Variants in CDYL observed in about 807,000 individuals in gnomAD.
CDYL encodes the protein chromodomain Y-like protein.
In CDYL, 8 loss-of-function variants were observed where a neutral mutation model predicts 47.3. The ratio of observed to expected loss-of-function variants is 0.17; its 90% confidence interval spans 0.10 to 0.31. The LOEUF (loss-of-function observed/expected upper bound fraction) is 0.31. Among genes scored for constraint, CDYL ranks in the 10% least tolerant of loss-of-function variants. The pLI, the probability that CDYL is intolerant of heterozygous loss-of-function variation, is 1.00. For synonymous variants in CDYL, 266 were observed against 265.0 expected (o/e 1.00, Z -0.04); for missense variants, 471 against 701.4 (o/e 0.67, Z 3.71).
intron 1 of CDYL, among the ~76,000 whole-genome samples, chr6:4,880,252 A>G (rs1432793967): frequency 2.0e-5 from 3 of 152,148 alleles, no homozygotes; most frequent in Non-Finnish European, 4.4e-5. Flanking sequence ...TGCCTTTTAC[A>G]ATATGTTGTA....
At chr6:4,792,963 A>G (rs1212880575) in intron 1 of CDYL, among the ~76,000 whole-genome samples, 2 of 152,192 alleles carry the variant, frequency 1.3e-5, no homozygotes, top group African/African-American at 2.4e-5. Flanking sequence ...CACCTCTGTC[A>G]TAGATGTTTC....
At chr6:4,947,897 C>T (rs1459695052) in intron 5 of CDYL, among the ~76,000 whole-genome samples, 1 of 152,046 alleles carries the variant, frequency 6.6e-6, no homozygotes, top group East Asian at 1.9e-4. Flanking sequence ...TGGGGGAGGC[C>T]CTGAGCTCTC....
At chr6:4,947,368 C>A (rs55981530) in intron 5 of CDYL, among the ~76,000 whole-genome samples, 16,347 of 152,208 alleles carry the variant, frequency 0.11, 1,005 homozygotes, top group South Asian at 0.17. Flanking sequence ...GGGTACCTCC[C>A]CACCCCTCAC....
chr6:4,832,588 C>T (rs1760178955), intron 1 of CDYL, among the ~76,000 whole-genome samples: 1 of 150,848 alleles, frequency 6.6e-6, no homozygotes, highest in Non-Finnish European at 1.5e-5. Context: ...ATGCTGGCCT[C>T]ATAAAATGAG....
Position 4,937,748 on chromosome 6 carries a change from A to G in CDYL, c.1121+11A>G, listed in dbSNP as rs376963465. 2 of 1,598,892 alleles carry G rather than the reference A, an allele frequency of 1.3e-6. No individual in the cohort carries two copies. Among genetic ancestry groups the G allele is most frequent in the African/African-American group, 1.4e-5 (1 of 73,730 alleles). ...GGCAGAAGCTATCAGGTATGTAAAA[A>G]TGATGTTTTTTAAACATTGGTTGGG... On this transcript the variant is annotated intron_variant, in intron 4 of 6. Coordinates refer to ENST00000397588, the MANE Select transcript of CDYL (RefSeq NM_004824.4).
In CDYL at chr6:4,951,472, G is replaced by A. The variant is rs1031458211; in HGVS notation, c.1333-794G>A. 4.6e-5 allele frequency among the ~76,000 whole-genome samples: 7 copies of A among 151,956 alleles called. 1 individual carries two copies. The highest frequency in any genetic ancestry group is 8.8e-5 in the Non-Finnish European group (6 of 68,002). ...TCAGTGTCATGTATTAAAAAATAAA[G>A]TGATCTAGAATCCAGGACAAGGTTA... On this transcript the variant is annotated intron_variant, in intron 5 of 6. Coordinates refer to ENST00000397588, the MANE Select transcript of CDYL (RefSeq NM_004824.4).
chr6:4,784,229 TG>T (rs746667812), intron 1 of CDYL, among the ~76,000 whole-genome samples: 6 of 152,212 alleles, frequency 3.9e-5, no homozygotes, highest in Admixed American at 1.3e-4. Context: ...AAGTCTTTGG[TG>T]TTTGTCCATT....
intron 2 of CDYL, among the ~76,000 whole-genome samples, chr6:4,924,483 C>G (rs1163287738): frequency 6.6e-6 from 1 of 152,182 alleles, no homozygotes. Flanking sequence ...GCCTTTTACA[C>G]CTCCTCTGTT....
At chr6:4,744,300 C>G (rs1000021407) in intron 3 of CDYL, among the ~76,000 whole-genome samples, 3 of 152,138 alleles carry the variant, frequency 2.0e-5, no homozygotes, top group African/African-American at 7.2e-5. Flanking sequence ...TAAGGCCAGC[C>G]TAGTCAGCTT....
chr6:4,898,088 A>G (rs1384900487), intron 2 of CDYL, among the ~76,000 whole-genome samples: 1 of 151,988 alleles, frequency 6.6e-6, no homozygotes, highest in African/African-American at 2.4e-5. Context: ...CATGGTGACT[A>G]CATGCCCCCT....
At chr6:4,860,903 A>T (rs898553369) in intron 1 of CDYL, among the ~76,000 whole-genome samples, 3 of 152,078 alleles carry the variant, frequency 2.0e-5, no homozygotes, top group Admixed American at 1.3e-4. Flanking sequence ...TGCCCACCAG[A>T]TGAAGGGTAG....
chr6:4,753,415 A>G (rs923856561), intron 3 of CDYL, among the ~76,000 whole-genome samples: 12 of 152,306 alleles, frequency 7.9e-5, no homozygotes, highest in Middle Eastern at 6.8e-3. Context: ...TCACTAGAGA[A>G]TACAGCTTTG....
chr6:4,841,138 G>A (rs1252347263), intron 1 of CDYL, among the ~76,000 whole-genome samples: 1 of 152,058 alleles, frequency 6.6e-6, no homozygotes, highest in Non-Finnish European at 1.5e-5. Context: ...GTTTAGTCTA[G>A]GCGGGTTGTA....
intron 1 of CDYL, among the ~76,000 whole-genome samples, chr6:4,840,574 C>A (rs1760457951): frequency 2.0e-5 from 3 of 152,088 alleles, no homozygotes; most frequent in Non-Finnish European, 4.4e-5. Context: ...TATGTCCCTT[C>A]TATGCTGATT....
Position 4,892,008 on chromosome 6 carries a change from C to T in CDYL, c.320C>T (p.Ser107Phe), listed in dbSNP as rs1273157635. 2 of 1,614,190 alleles carry T rather than the reference C, an allele frequency of 1.2e-6. No individual in the cohort carries two copies. Among genetic ancestry groups the T allele is most frequent in the Non-Finnish European group, 1.7e-6 (2 of 1,180,032 alleles). ...KALVIGKDHE[S>F]KNSQLFAASQ... ...CTCGTGATTGGGAAAGACCACGAATCCAAAAACAGCCAGCTGTTTGCTGCC... is the reference window on the plus strand; with the variant it reads ...CTCGTGATTGGGAAAGACCACGAATTCAAAAACAGCCAGCTGTTTGCTGCC... Residue 107 changes from serine (S) to phenylalanine (F), a missense_variant, in exon 2 of 7, where the codon TCC (serine) becomes TTC (phenylalanine). By Grantham distance (155) the Ser-to-Phe change is radical. Transcript: ENST00000397588.
At chr6:4,940,444 TA>T (rs1311236692) in intron 4 of CDYL, among the ~76,000 whole-genome samples, 1 of 150,706 alleles carries the variant, frequency 6.6e-6, no homozygotes, top group East Asian at 2.0e-4. Context: ...TCATGTTCCT[TA>T]AAACTTGGAG....
intron 4 of CDYL, 57 bp downstream of exon 4, chr6:4,937,794 A>C: frequency 7.1e-7 from 1 of 1,412,718 alleles, no homozygotes; most frequent in Non-Finnish European, 9.8e-7. Flanking sequence ...TTGGTAAACC[A>C]ATCCTGATAG....
At chr6:4,924,981 A>G (rs1757824704) in intron 2 of CDYL, among the ~76,000 whole-genome samples, 1 of 152,212 alleles carries the variant, frequency 6.6e-6, no homozygotes, top group Non-Finnish European at 1.5e-5. Context: ...GACAGCAGAA[A>G]TTTGCCTGTA....
chr6:4,823,828 C>T (rs1481885949), intron 1 of CDYL, among the ~76,000 whole-genome samples: 1 of 152,104 alleles, frequency 6.6e-6, no homozygotes, highest in Non-Finnish European at 1.5e-5. Flanking sequence ...TTTTATTTGT[C>T]TCTCCAAAAC....
Sources: allele counts gnomAD v4.1 joint callset (sites outside exome capture counted in the v4.1 genomes callset), GRCh38; gene constraint gnomAD v4.1.1; transcripts MANE v1.5; gene names NCBI Gene and HGNC (gene_info 2026-07-23, HGNC 2026-07-21).